The following VRK1 variants were observed in gnomAD, a reference collection of about 807,000 sequenced individuals.
VRK1 encodes the protein serine/threonine-protein kinase VRK1.
In VRK1, 33 loss-of-function variants were observed where a neutral mutation model predicts 57.1. That is an observed-to-expected ratio of 0.58 (90% CI 0.44 to 0.77). The LOEUF (loss-of-function observed/expected upper bound fraction) is 0.77, where lower values mean the gene tolerates loss of function less well. Ranked by LOEUF, VRK1 falls within the 30% of genes least tolerant of loss-of-function variation. The pLI is 0.00. For missense variants in VRK1, 413 were observed against 477.3 expected, an observed-to-expected ratio of 0.87 and a Z score of 1.25; for synonymous variants, 137 against 147.8, an observed-to-expected ratio of 0.93 and a Z score of 0.53.
At chr14:96,823,569 T>G (rs561705721) in intron 1 of VRK1, among the ~76,000 whole-genome samples, 12 of 152,356 alleles carry the variant, frequency 7.9e-5, no homozygotes, top group African/African-American at 2.9e-4. Flanking sequence ...TTGATTCAAC[T>G]TAATTTCTGC....
intron 11 of VRK1, among the ~76,000 whole-genome samples, chr14:96,870,377 A>G (rs976995609): frequency 3.3e-5 from 5 of 152,212 alleles, no homozygotes; most frequent in African/African-American, 1.2e-4. Context: ...TTTCCCATAA[A>G]TTGTACTTGA....
At chr14:96,805,516 C>T (rs560463818) in intron 1 of VRK1, among the ~76,000 whole-genome samples, 21 of 152,260 alleles carry the variant, frequency 1.4e-4, no homozygotes, top group African/African-American at 4.3e-4. Context: ...ATACTCTTCC[C>T]CTCCCCTGCC....
intron 11 of VRK1, among the ~76,000 whole-genome samples, chr14:96,865,743 T>A (rs991240586): frequency 6.6e-6 from 1 of 151,456 alleles, no homozygotes; most frequent in Non-Finnish European, 1.5e-5. Flanking sequence ...TATTTTCTTA[T>A]AACTGCTTAA....
At chr14:96,845,744 G>A (rs552962032) in intron 3 of VRK1, among the ~76,000 whole-genome samples, 1 of 152,266 alleles carries the variant, frequency 6.6e-6, no homozygotes, top group Admixed American at 6.5e-5. Context: ...ATATCTTATA[G>A]CCCCTTGGTG....
chr14:96,814,841 T>C (rs1255678345), intron 1 of VRK1, among the ~76,000 whole-genome samples: 1 of 152,236 alleles, frequency 6.6e-6, no homozygotes, highest in Non-Finnish European at 1.5e-5. Flanking sequence ...TTTTTAAAAC[T>C]GCCTAATATT....
At chr14:96,854,567 T>G (rs189828210) in intron 7 of VRK1, among the ~76,000 whole-genome samples, 7 of 152,296 alleles carry the variant, frequency 4.6e-5, no homozygotes, top group African/African-American at 1.7e-4. Context: ...CAGACCCACA[T>G]GTATATGCCC....
chr14:96,842,555 T>C (rs1887507740), intron 3 of VRK1, among the ~76,000 whole-genome samples: 1 of 152,206 alleles, frequency 6.6e-6, no homozygotes, highest in Non-Finnish European at 1.5e-5. Context: ...CATCAAAATG[T>C]TTCCATATTT....
At chr14:96,865,111 T>C (rs1888533807) in intron 11 of VRK1, among the ~76,000 whole-genome samples, 1 of 152,202 alleles carries the variant, frequency 6.6e-6, no homozygotes, top group Non-Finnish European at 1.5e-5. Flanking sequence ...TCTTTATGGT[T>C]AGTGCTTTTT....
chr14:96,872,580 A>G (rs1023274507), intron 11 of VRK1, among the ~76,000 whole-genome samples: 6 of 152,236 alleles, frequency 3.9e-5, no homozygotes, highest in African/African-American at 1.4e-4. Flanking sequence ...AAGCTCACAT[A>G]GGAGACCGCA....
chr14:96,844,773 C>T (rs1043625643), intron 3 of VRK1, among the ~76,000 whole-genome samples: 8 of 152,154 alleles, frequency 5.3e-5, no homozygotes, highest in African/African-American at 1.9e-4. Context: ...AACTCCTGAC[C>T]TCAAGTGATC....
intron 1 of VRK1, among the ~76,000 whole-genome samples, chr14:96,812,283 C>G (rs1886235196): frequency 1.3e-5 from 2 of 152,132 alleles, no homozygotes; most frequent in African/African-American, 2.4e-5. Context: ...GTTTTCATTT[C>G]TCTTGAGTAT....
In VRK1 at chr14:96,814,647, G is replaced by A. The variant is rs73355691; in HGVS notation, c.-6+17200G>A. The stretch of plus-strand genomic sequence containing the variant: ...CTAGTAATGTGCTATATGTACACGC[G>A]TGGGGATACATTGTTGCACAGCTCC... On this transcript the variant is annotated intron_variant, in intron 1 of 12. Transcript: ENST00000216639. Among the ~76,000 whole-genome samples the A allele has an allele frequency of 2.1e-3, 322 of 152,152 alleles. 1 individual carries two copies. The highest frequency in any genetic ancestry group is 7.3e-3 in the African/African-American group (304 of 41,494).
At chr14:96,874,834 A>G (rs777385965) in intron 11 of VRK1, among the ~76,000 whole-genome samples, 1 of 152,206 alleles carries the variant, frequency 6.6e-6, no homozygotes, top group African/African-American at 2.4e-5. Context: ...TTGGAACAGA[A>G]CCCATGGTTG....
intron 1 of VRK1, among the ~76,000 whole-genome samples, chr14:96,821,030 A>C (rs753883565): frequency 6.6e-6 from 1 of 152,216 alleles, no homozygotes; most frequent in Non-Finnish European, 1.5e-5. Context: ...ATCTTTAATA[A>C]ATACTTTTAT....
chr14:96,806,171 T>C (rs574586495), intron 1 of VRK1, among the ~76,000 whole-genome samples: 2 of 152,226 alleles, frequency 1.3e-5, no homozygotes, highest in East Asian at 1.9e-4. Context: ...CTGCATCTAG[T>C]GTATTTGTTA....
chr14:96,829,456 G>A (rs1489717732), intron 1 of VRK1, among the ~76,000 whole-genome samples: 1 of 152,092 alleles, frequency 6.6e-6, no homozygotes, highest in Non-Finnish European at 1.5e-5. Context: ...GAAATACAAA[G>A]ATGTGTTTCT....
chr14:96,854,320 C>T (rs528316473), intron 7 of VRK1, among the ~76,000 whole-genome samples: 21 of 152,246 alleles, frequency 1.4e-4, no homozygotes, highest in Middle Eastern at 3.4e-3. Context: ...GTGACTAAAA[C>T]ATGCTGCCTT....
At chr14:96,844,585 A>T (rs766045248) in intron 3 of VRK1, among the ~76,000 whole-genome samples, 2 of 152,174 alleles carry the variant, frequency 1.3e-5, no homozygotes, top group Non-Finnish European at 2.9e-5. Flanking sequence ...TTTGTTGCCC[A>T]GGGTGGAGTG....
At chr14:96,805,133 C>T (rs1885820372) in intron 1 of VRK1, among the ~76,000 whole-genome samples, 1 of 152,144 alleles carries the variant, frequency 6.6e-6, no homozygotes, top group African/African-American at 2.4e-5. Context: ...AAAGAGGAGA[C>T]TCAGGGGTTA....
Sources: allele counts gnomAD v4.1 joint callset (sites outside exome capture counted in the v4.1 genomes callset), GRCh38; gene constraint gnomAD v4.1.1; transcripts MANE v1.5; gene names NCBI Gene and HGNC (gene_info 2026-07-23, HGNC 2026-07-21).